Variants in MECOM observed in about 807,000 individuals in gnomAD.
MECOM encodes MDS1 and EVI1 complex locus.
MECOM carries 13 observed loss-of-function variants against 116.3 expected under a neutral mutation model. The ratio of observed to expected loss-of-function variants is 0.11; its 90% CI spans 0.07 to 0.18. MECOM has a LOEUF of 0.18. MECOM is among the 10% of genes least tolerant of loss of function. The pLI, the probability that MECOM is intolerant of heterozygous loss-of-function variation, is 1.00. For missense variants in MECOM, 1,299 were observed against 1,509.0 expected, an observed-to-expected ratio of 0.86 and a Z score of 2.31; for synonymous variants, 528 against 535.2, an observed-to-expected ratio of 0.99 and a Z score of 0.19.
At chr3:169,531,326 G>T (rs1196506487) in intron 1 of MECOM, among the ~76,000 whole-genome samples, 3 of 152,162 alleles carry the variant, frequency 2.0e-5, no homozygotes, top group Non-Finnish European at 2.9e-5. Context: ...CAATGCAGAG[G>T]AAGAGAAGCC....
chr3:169,483,207 T>TA (rs879041896), intron 1 of MECOM, among the ~76,000 whole-genome samples: 61 of 129,796 alleles, frequency 4.7e-4, no homozygotes, highest in South Asian at 1.1e-3. Context: ...TTTTTATTTT[T>TA]TTTTTTTTTT....
At chr3:169,626,723 T>C (rs1377111223) in intron 1 of MECOM, among the ~76,000 whole-genome samples, 1 of 152,228 alleles carries the variant, frequency 6.6e-6, no homozygotes, top group African/African-American at 2.4e-5. Flanking sequence ...TGTTTCATCC[T>C]TTACTTGATT....
chr3:169,511,444 CT>C (rs1755941335), intron 1 of MECOM, among the ~76,000 whole-genome samples: 1 of 152,180 alleles, frequency 6.6e-6, no homozygotes, highest in African/African-American at 2.4e-5. Flanking sequence ...TCTTCCCATA[CT>C]TGGGAAATTA....
At chr3:169,268,611 A>G (rs1024673143) in intron 2 of MECOM, among the ~76,000 whole-genome samples, 1 of 152,256 alleles carries the variant, frequency 6.6e-6, no homozygotes, top group African/African-American at 2.4e-5. Flanking sequence ...AATAGATTTC[A>G]GCCTCCTGAG....
At chr3:169,158,096 G>A (rs1742282474) in intron 2 of MECOM, among the ~76,000 whole-genome samples, 1 of 152,022 alleles carries the variant, frequency 6.6e-6, no homozygotes, top group East Asian at 1.9e-4. Context: ...GAGCTGGCGA[G>A]GTTCAAAATT....
intron 14 of MECOM, among the ~76,000 whole-genome samples, chr3:169,090,578 T>C (rs952961956): frequency 9.9e-5 from 15 of 152,060 alleles, no homozygotes; most frequent in African/African-American, 3.6e-4. Context: ...CTCAGCACAA[T>C]TTACCTAATT....
intron 1 of MECOM, among the ~76,000 whole-genome samples, chr3:169,637,605 C>T (rs773511638): frequency 7.9e-5 from 12 of 152,126 alleles, no homozygotes; most frequent in Admixed American, 2.6e-4. Flanking sequence ...TGTCCTAATT[C>T]GGACTGTTGG....
intron 1 of MECOM, among the ~76,000 whole-genome samples, chr3:169,453,256 T>C (rs1263821117): frequency 6.6e-6 from 1 of 152,204 alleles, no homozygotes; most frequent in African/African-American, 2.4e-5. Context: ...TTATCCTGAT[T>C]GTGTTTGGGA....
chr3:169,207,635 G>A (rs1031789286), intron 2 of MECOM, among the ~76,000 whole-genome samples: 4 of 151,588 alleles, frequency 2.6e-5, no homozygotes, highest in Non-Finnish European at 4.4e-5. Flanking sequence ...TTATGGAGAC[G>A]AAGAGTTACA....
At chr3:169,159,168 G>T (rs988925260) in intron 2 of MECOM, among the ~76,000 whole-genome samples, 2 of 152,202 alleles carry the variant, frequency 1.3e-5, no homozygotes, top group African/African-American at 4.8e-5. Flanking sequence ...TTTCCTGCTA[G>T]ACCATAGCCT....
At chr3:169,616,488 G>C (rs1770023753) in intron 1 of MECOM, among the ~76,000 whole-genome samples, 1 of 152,072 alleles carries the variant, frequency 6.6e-6, no homozygotes, top group African/African-American at 2.4e-5. Flanking sequence ...TGGGATTACT[G>C]GCACCTGCCA....
At chr3:169,560,937 A>C (rs1762567503) in intron 1 of MECOM, among the ~76,000 whole-genome samples, 2 of 152,006 alleles carry the variant, frequency 1.3e-5, no homozygotes, top group African/African-American at 4.8e-5. Flanking sequence ...TACAAACGGC[A>C]TCTGATGATT....
At chr3:169,375,877 AAAAG>A (rs143846699) in intron 2 of MECOM, among the ~76,000 whole-genome samples, 66,988 of 151,404 alleles carry the variant, frequency 0.44, 15,173 homozygotes, top group Middle Eastern at 0.55. Flanking sequence ...ACACAACAAA[AAAAG>A]AAAATTTCAG....
chr3:169,141,007 G>C (rs1737937290), intron 3 of MECOM, among the ~76,000 whole-genome samples: 1 of 151,754 alleles, frequency 6.6e-6, no homozygotes, highest in South Asian at 2.1e-4. Flanking sequence ...TCTTTAATAT[G>C]GCTCCTCCAT....
chr3:169,350,574 G>A (rs1040977974), intron 2 of MECOM, among the ~76,000 whole-genome samples: 2 of 151,922 alleles, frequency 1.3e-5, no homozygotes, highest in South Asian at 2.1e-4. Flanking sequence ...ATACATACCA[G>A]ATTTCAAAGA....
At chr3:169,188,081 G>A (rs144898098) in intron 2 of MECOM, among the ~76,000 whole-genome samples, 217 of 151,994 alleles carry the variant, frequency 1.4e-3, no homozygotes, top group African/African-American at 4.6e-3. Context: ...TTAGATTCCC[G>A]TAATAAAATG....
intron 10 of MECOM, among the ~76,000 whole-genome samples, chr3:169,107,543 A>G (rs1416633508): frequency 2.6e-5 from 4 of 152,198 alleles, no homozygotes; most frequent in Non-Finnish European, 5.9e-5. Flanking sequence ...TTTATCCTTT[A>G]GAAGGCTTTA....
intron 2 of MECOM, among the ~76,000 whole-genome samples, chr3:169,317,050 G>A (rs1239464758): frequency 6.6e-6 from 1 of 152,130 alleles, no homozygotes; most frequent in Non-Finnish European, 1.5e-5. Flanking sequence ...CAGCGTGAGG[G>A]ACCTTACAAA....
At chr3:169,577,343 AC>A (rs1472084319) in intron 1 of MECOM, among the ~76,000 whole-genome samples, 1 of 152,100 alleles carries the variant, frequency 6.6e-6, no homozygotes, top group African/African-American at 2.4e-5. Flanking sequence ...TTATCAGTAA[AC>A]CCTGTGCTGC....
Sources: gnomAD v4.1 joint callset for allele counts (sites outside exome capture counted in the v4.1 genomes callset) on GRCh38, gnomAD v4.1.1 for gene constraint, MANE v1.5 for transcripts, NCBI Gene and HGNC (gene_info 2026-07-23, HGNC 2026-07-21) for gene names.